Variants in KDM3B observed in about 807,000 individuals in gnomAD.
The protein encoded by KDM3B is lysine-specific demethylase 3B.
In KDM3B, 10 loss-of-function variants were observed where a neutral mutation model predicts 170.0. The observed-to-expected ratio is 0.06, with a 90% CI of 0.04 to 0.10. The LOEUF is 0.10. Ranked by LOEUF, KDM3B falls within the 10% of genes least tolerant of loss-of-function variation. KDM3B has a pLI of 1.00. For missense variants in KDM3B, 1,394 were observed against 2,195.2 expected, an observed-to-expected ratio of 0.64 and a Z score of 7.29; for synonymous variants, 831 against 834.8, an observed-to-expected ratio of 1.00 and a Z score of 0.08.
rs1473961572 is a variant in KDM3B at position 138,391,628 on chromosome 5, G to A, written c.1996G>A (p.Val666Ile). 1 of 1,614,076 alleles carries A rather than the reference G, an allele frequency of 6.2e-7. No homozygotes were observed. The highest frequency in any genetic ancestry group is 2.2e-5 in the East Asian group (1 of 44,886). The part of the protein sequence containing the change: ...ASGSSSSATT[V>I]TSKVAPSWPE... The stretch of plus-strand genomic sequence containing the variant: ...AGGTAGCTCCTCTTCTGCTACCACT[G>A]TCACCTCCAAGGTGGCACCCAGCTG... The change falls in exon 8 of 24, where the codon GTC becomes ATC. Residue 666 changes from valine to isoleucine, a missense_variant. By Grantham distance (29) the Val-to-Ile change is conservative. Around this residue, in one of 19 missense-constraint regions of KDM3B, gnomAD observed 294 missense variants for 311.7 expected, o/e 0.94. Coordinates refer to ENST00000314358, the MANE Select transcript of KDM3B (RefSeq NM_016604.4). The surrounding 1 kb of genome is among the most constrained non-coding windows in gnomAD (Gnocchi z 5.0).
At chr5:138,430,586 C>G (rs1425108856) in intron 22 of KDM3B, among the ~76,000 whole-genome samples, 161 bp downstream of exon 22, 1 of 152,168 alleles carries the variant, frequency 6.6e-6, no homozygotes, top group African/African-American at 2.4e-5. Context: ...AACATTAAGG[C>G]TCATTTAAAA....
chr5:138,385,392 C>T (rs1234902224), intron 6 of KDM3B, among the ~76,000 whole-genome samples: 1 of 152,178 alleles, frequency 6.6e-6, no homozygotes, highest in South Asian at 2.1e-4. Flanking sequence ...GCCACCACAC[C>T]CAGCTAATTT....
chr5:138,384,108 C>T (rs538960678), intron 6 of KDM3B, among the ~76,000 whole-genome samples: 26 of 143,592 alleles, frequency 1.8e-4, no homozygotes, highest in African/African-American at 6.2e-4. Context: ...TAGCCGGGCG[C>T]GGTGGCGGGC....
At chr5:138,401,270 C>A (rs867269589) in intron 11 of KDM3B, among the ~76,000 whole-genome samples, 154 of 132,452 alleles carry the variant, frequency 1.2e-3, no homozygotes, top group South Asian at 1.9e-3. Flanking sequence ...GACTTCATCT[C>A]AAAAAAAAAA....
rs757500707 is a variant in KDM3B, at chr5:138,391,061, C to T, written c.1429C>T (p.Pro477Ser). The T allele has an allele frequency of 6.3e-5, 102 of 1,607,438 alleles. No individual in the cohort carries two copies. In the Middle Eastern group the frequency reaches 8.3e-4, roughly 13 times the overall value. The change falls in exon 8 of 24, where the codon CCT (proline) becomes TCT (serine). Residue 477 changes from proline (P) to serine (S), a missense_variant. By Grantham distance (74) the Pro-to-Ser change is moderately conservative (BLOSUM62 -1). This residue lies in a region of KDM3B where 205 missense variants were observed against 227.6 expected (regional missense o/e 0.90). Coordinates refer to ENST00000314358, the MANE Select transcript of KDM3B (RefSeq NM_016604.4). This position sits in a 1 kb window ranked among gnomAD's most constrained non-coding sequence, Gnocchi z 5.0. Reference sequence around the variant, plus strand: ...CTCTTCTGGATTTGGAGCACCTCTCCCTAGTTCATCGCAACCTTTGACTTT... The same window carrying T: ...CTCTTCTGGATTTGGAGCACCTCTCTCTAGTTCATCGCAACCTTTGACTTT... The part of the protein sequence containing the change: ...LASSGFGAPL[P>S]SSSQPLTFGS...
rs745400610 is a variant in KDM3B, at chr5:138,391,259, G to A, written c.1627G>A (p.Val543Ile). ...TLPTSNYFTT[V>I]SESLADDSSS... is the part of the protein sequence containing the mutation. ...ACCTACCAGTAACTACTTCACTACT[G>A]TTTCAGAGAGTTTGGCTGATGATTC... is the stretch of plus-strand genomic sequence containing the variant. The change falls in exon 8 of 24, where the codon GTT becomes ATT. Residue 543 changes from valine (V) to isoleucine (I), a missense_variant. By Grantham distance (29) the Val-to-Ile change is conservative. Coordinates refer to ENST00000314358, the MANE Select transcript of KDM3B (RefSeq NM_016604.4). This position sits in a 1 kb window ranked among gnomAD's most constrained non-coding sequence, Gnocchi z 5.0. 1.2e-6 allele frequency: 2 copies of A among 1,614,162 alleles called. No homozygotes were observed. Among genetic ancestry groups the A allele is most frequent in the Non-Finnish European group, 1.7e-6 (2 of 1,180,032 alleles).
intron 1 of KDM3B, among the ~76,000 whole-genome samples, chr5:138,354,543 C>T (rs1388596114): frequency 6.6e-6 from 1 of 152,172 alleles, no homozygotes; most frequent in Admixed American, 6.5e-5. Context: ...GTCTCGTTTC[C>T]TCCATCAGAT....
chr5:138,395,491 G>A (rs1013772296), intron 9 of KDM3B, among the ~76,000 whole-genome samples: 2 of 152,144 alleles, frequency 1.3e-5, no homozygotes, highest in East Asian at 1.9e-4. Context: ...GAATGGGGGC[G>A]GTAGCTCACG....
chr5:138,429,192 C>T (rs141558567), intron 20 of KDM3B, among the ~76,000 whole-genome samples: 3,198 of 152,088 alleles, frequency 0.021, 55 homozygotes, highest in Non-Finnish European at 0.031. Flanking sequence ...GCTGGGATTA[C>T]AGGCATGTGC....
chr5:138,352,821 TG>T lies in KDM3B; in HGVS notation c.29del (p.Gly10AlafsTer46). 7.5e-7 allele frequency: 1 copy of T among 1,330,990 alleles called. No homozygotes were observed. Among genetic ancestry groups the T allele is most frequent in the South Asian group, 1.8e-5 (1 of 56,138 alleles). The allele number at this position is 1,330,990 out of a possible 1,614,324, so 82.4% of individuals were successfully genotyped here. On this transcript the variant is annotated frameshift_variant, in exon 1 of 24. Coordinates refer to ENST00000314358, the MANE Select transcript of KDM3B (RefSeq NM_016604.4). LOFTEE classifies it high-confidence loss of function. MADAAASP[V>X]GKRLLLLFAD... The stretch of plus-strand genomic sequence containing the variant: ...ATGGCGGACGCGGCGGCCTCCCCGG[TG>T]GGCAAGCGGCTGCTGCTGCTGTTCG...
Position 138,398,067 on chromosome 5 carries a change from C to A in KDM3B, c.2832-111C>A, listed in dbSNP as rs1412691474. 11 of 794,348 alleles carry A rather than the reference C, an allele frequency of 1.4e-5. No individual in the cohort carries two copies. In the East Asian group the frequency reaches 2.7e-4, roughly 20 times the overall value. 49.2% of individuals were successfully genotyped at this position (794,348 alleles called of 1,614,324 possible). ...CTGTTTTGGTCGACTGGTGAAAATTCTTAGTCTGATTCCTGTTGTCTCATT... is the reference window on the plus strand; with the variant it reads ...CTGTTTTGGTCGACTGGTGAAAATTATTAGTCTGATTCCTGTTGTCTCATT... On this transcript the variant is annotated intron_variant, in intron 9 of 23. Coordinates refer to ENST00000314358, the MANE Select transcript of KDM3B (RefSeq NM_016604.4).
intron 7 of KDM3B, among the ~76,000 whole-genome samples, chr5:138,387,625 G>A (rs762428145): frequency 1.3e-5 from 2 of 152,168 alleles, no homozygotes; most frequent in Non-Finnish European, 2.9e-5. Flanking sequence ...GGGATAGGGA[G>A]GGAGAGGAAA....
chr5:138,416,205 G>A (rs1580941044), intron 12 of KDM3B, among the ~76,000 whole-genome samples: 1 of 152,174 alleles, frequency 6.6e-6, no homozygotes, highest in East Asian at 1.9e-4. Flanking sequence ...CAGAAGTTCT[G>A]TATGCCTACC....
intron 14 of KDM3B, 116 bp from the exon 15 acceptor site, chr5:138,420,590 G>A: frequency 8.8e-7 from 1 of 1,135,098 alleles, no homozygotes; most frequent in Non-Finnish European, 1.3e-6. Context: ...AGTTTGGGGG[G>A]TGCAAGGGAA....
chr5:138,400,374 A>G (rs1369271298), intron 11 of KDM3B, among the ~76,000 whole-genome samples: 1 of 151,980 alleles, frequency 6.6e-6, no homozygotes, highest in Non-Finnish European at 1.5e-5. Context: ...AATCATAGGC[A>G]TGAGCCACCG....
intron 3 of KDM3B, among the ~76,000 whole-genome samples, chr5:138,375,589 A>C (rs1277996171): frequency 1.3e-5 from 2 of 152,164 alleles, no homozygotes; most frequent in Admixed American, 1.3e-4. Context: ...CATGTTAGCC[A>C]GGATGGTCTT....
At chr5:138,428,160 T>C (rs1763441080) in intron 20 of KDM3B, 74 bp downstream of exon 20, 2 of 1,430,636 alleles carry the variant, frequency 1.4e-6, no homozygotes, top group Admixed American at 4.6e-5. Context: ...GTTTTCATCC[T>C]TAGGGCCAGT....
chr5:138,370,964 A>G (rs1761859552), intron 1 of KDM3B, among the ~76,000 whole-genome samples: 1 of 152,106 alleles, frequency 6.6e-6, no homozygotes, highest in Non-Finnish European at 1.5e-5. Context: ...GCCCACCATC[A>G]TACCCAGCTA....
At chr5:138,398,127 T>C in intron 9 of KDM3B, 51 bp from the exon 10 acceptor site, 1 of 1,378,230 alleles carries the variant, frequency 7.3e-7, no homozygotes, top group Non-Finnish European at 1.0e-6. Context: ...TTTAGGTGTG[T>C]GTTAGTTTGC....
Sources: allele counts gnomAD v4.1 joint callset (sites outside exome capture counted in the v4.1 genomes callset), GRCh38; gene constraint gnomAD v4.1.1; regional missense constraint gnomAD v4.1.1; non-coding constraint Gnocchi (gnomAD v3.1); transcripts MANE v1.5; gene names NCBI Gene and HGNC (gene_info 2026-07-23, HGNC 2026-07-21).